BORCS8: variants seen among roughly 807,000 people sequenced by gnomAD.
BORCS8 encodes BLOC-1-related complex subunit 8.
In BORCS8, 13 loss-of-function variants were observed where a neutral mutation model predicts 18.7. The ratio of observed to expected loss-of-function variants is 0.70; its 90% CI spans 0.45 to 1.11. The LOEUF (loss-of-function observed/expected upper bound fraction) is 1.11. Among genes scored for constraint, BORCS8 ranks in the 50% least tolerant of loss-of-function variants. The probability of loss-of-function intolerance (pLI) is 0.00; values close to 1 mark genes in which losing one functional copy is unlikely to be tolerated. For synonymous variants in BORCS8, 68 were observed against 64.8 expected (o/e 1.05, Z -0.24); for missense variants, 165 against 165.7 (o/e 1.00, Z 0.02).
chr19:19,186,780 ATCTGTCCACCACGCC>A, intron 2 of BORCS8, 98 bp downstream of exon 2: 1 of 663,338 alleles, frequency 1.5e-6, no homozygotes, highest in East Asian at 2.8e-5. Context: ...TCTATCCCAG[ATCTGTCCACCACGCC>A]TCTGACCTGG....
At chr19:19,188,721 C>T (rs1202463178) in intron 1 of BORCS8, among the ~76,000 whole-genome samples, 1 of 152,088 alleles carries the variant, frequency 6.6e-6, no homozygotes, top group Non-Finnish European at 1.5e-5. Context: ...CTGTGCAGGC[C>T]CAGGATGAGG....
intron 1 of BORCS8, among the ~76,000 whole-genome samples, chr19:19,187,395 G>C (rs1307349992): frequency 6.6e-6 from 1 of 150,978 alleles, no homozygotes; most frequent in Non-Finnish European, 1.5e-5. Flanking sequence ...GAAATCACTT[G>C]AATCTGGGAG....
chr19:19,182,607 G>C lies in BORCS8; in HGVS notation c.292C>G (p.Arg98Gly). The C allele has an allele frequency of 6.4e-7, 1 of 1,551,182 alleles. No homozygotes were observed. Among genetic ancestry groups the C allele is most frequent in the East Asian group, 2.4e-5 (1 of 40,896 alleles). The part of the protein sequence containing the change: ...EGLLKQAISI[R>G]DHMNASAQGH... ...TGGGCACTGGCATTCATATGGTCCC[G>C]GATGCTGATGGCCTGTTTGAGCAGA... The change falls in exon 4 of 6, where the codon CGG becomes GGG. Residue 98 changes from arginine to glycine, a missense_variant. Transcript: ENST00000462790. The surrounding 1 kb of genome is among the most constrained non-coding windows in gnomAD (Gnocchi z 4.1).
Position 19,182,331 on chromosome 19 carries a change from C to G in BORCS8, c.326+242G>C. The G allele has an allele frequency of 9.9e-7, 1 of 1,006,388 alleles. No individual in the cohort carries two copies. The highest frequency in any genetic ancestry group is 2.4e-5 in the South Asian group (1 of 41,216). 62.3% of individuals were successfully genotyped at this position (1,006,388 alleles called of 1,614,324 possible). A position where few individuals can be genotyped will look rare whatever the true frequency, so the allele number is the denominator to read the frequency against. On this transcript the variant is annotated intron_variant, in intron 4 of 5. Transcript: ENST00000462790. The surrounding 1 kb of genome is among the most constrained non-coding windows in gnomAD (Gnocchi z 4.1). Reference sequence around the variant, plus strand: ...TGTCTCCTTGTGAGCCTGTCTGTCTCGGTCACTGCTATGTCCCCAGTGCCC... The same window carrying G: ...TGTCTCCTTGTGAGCCTGTCTGTCTGGGTCACTGCTATGTCCCCAGTGCCC...
chr19:19,184,735 G>C (rs925753287), intron 3 of BORCS8, among the ~76,000 whole-genome samples: 1 of 151,738 alleles, frequency 6.6e-6, no homozygotes, highest in Non-Finnish European at 1.5e-5. Context: ...GAGTAGCTGG[G>C]ACTAGAGGTG....
At position 19,192,094 on chromosome 19, in the gene BORCS8, G is replaced by C. The variant is rs1250668167; in HGVS notation, c.24C>G (p.Leu8=). The C allele has an allele frequency of 6.4e-7, 1 of 1,551,314 alleles. No individual in the cohort carries two copies. Among genetic ancestry groups the C allele is most frequent in the Admixed American group, 2.0e-5 (1 of 50,978 alleles). ...GGCCCGCACCACCTTTCTTCCCCTT[G>C]AGCTGCATCTCCGGCTCCTCCATAG... MEEPEMQ[L]KGKKVTDKFT... Residue 8 remains leucine, a synonymous_variant, in exon 1 of 6, where the codon CTC becomes CTG. Coordinates refer to ENST00000462790, the MANE Select transcript of BORCS8 (RefSeq NM_001145784.2).
At chr19:19,188,586 C>A (rs2060434119) in intron 1 of BORCS8, among the ~76,000 whole-genome samples, 1 of 152,170 alleles carries the variant, frequency 6.6e-6, no homozygotes, top group African/African-American at 2.4e-5. Flanking sequence ...GCCCACAGGA[C>A]CTGAAAGTGC....
chr19:19,183,588 CTTTT>C (rs879379985), intron 3 of BORCS8, among the ~76,000 whole-genome samples: 7 of 143,626 alleles, frequency 4.9e-5, no homozygotes, highest in African/African-American at 1.0e-4. Flanking sequence ...TTTTTTCTTT[CTTTT>C]TTTTTTTTTG....
chr19:19,177,793 CA>C (rs879840816), intron 5 of BORCS8: 3 of 173,268 alleles, frequency 1.7e-5, no homozygotes, highest in Admixed American at 6.4e-5. Context: ...GGGCCAGCAC[CA>C]GGCCTATGTC....
At chr19:19,177,697 A>G (rs1051209526) in intron 5 of BORCS8, 736 of 21,710 alleles carry the variant, frequency 0.034, 30 homozygotes, top group African/African-American at 0.13. Flanking sequence ...AGGAAGGAAG[A>G]GAAAAGAAAA....
At chr19:19,187,827 G>A (rs1045351232) in intron 1 of BORCS8, among the ~76,000 whole-genome samples, 26 of 151,054 alleles carry the variant, frequency 1.7e-4, no homozygotes, top group Non-Finnish European at 2.9e-4. Flanking sequence ...TTGAGCCACC[G>A]CGCCTGGCCA....
chr19:19,182,800 C>T lies in BORCS8; in HGVS notation c.216-117G>A. The T allele has an allele frequency of 7.5e-7, 1 of 1,336,086 alleles. No individual in the cohort carries two copies. Among genetic ancestry groups the T allele is most frequent in the Admixed American group, 2.8e-5 (1 of 36,250 alleles). The allele number at this position is 1,336,086 out of a possible 1,614,324, so 82.8% of individuals were successfully genotyped here. A position where few individuals can be genotyped will look rare whatever the true frequency, so the allele number is the denominator to read the frequency against. Reference sequence around the variant, plus strand: ...GGTACCTCAGTGATTCTGCGGGCTTCCCGAAGGACTCACAGTGGGCTTACA... The same window carrying T: ...GGTACCTCAGTGATTCTGCGGGCTTTCCGAAGGACTCACAGTGGGCTTACA... On this transcript the variant is annotated intron_variant, in intron 3 of 5. Coordinates refer to ENST00000462790, the MANE Select transcript of BORCS8 (RefSeq NM_001145784.2). The surrounding 1 kb of genome is among the most constrained non-coding windows in gnomAD (Gnocchi z 4.1).
rs61115485 is a variant in BORCS8, at chr19:19,180,759, G to A, written c.329C>T (p.Pro110Leu). The A allele has an allele frequency of 6.7e-3, 10,316 of 1,547,598 alleles. 576 individuals are homozygous for A. The African/African-American group carries it at 0.12, about 18-fold the overall frequency. ...TGAGGAGGGCGGGGGTGGTTCCTCC[G>A]GGCTGCAACAAAACATGTGCAGCAT... is the stretch of plus-strand genomic sequence containing the variant. ...HMNASAQGHS[P>L]EEPPPPSSA The change falls in exon 5 of 6, where the codon CCG becomes CTG. Residue 110 changes from proline (P) to leucine (L), a missense_variant and splice_region_variant. Coordinates refer to ENST00000462790, the MANE Select transcript of BORCS8 (RefSeq NM_001145784.2).
At chr19:19,189,442 T>C (rs1354540415) in intron 1 of BORCS8, among the ~76,000 whole-genome samples, 3 of 152,114 alleles carry the variant, frequency 2.0e-5, no homozygotes, top group African/African-American at 7.2e-5. Context: ...CACCCTTGCT[T>C]TAAACTCTTC....
Position 19,182,090 on chromosome 19 carries a change from C to T in BORCS8, c.326+483G>A, listed in dbSNP as rs1332178981. ...GGCCCCATCTCCCCCAGCTGGCCGGCTCCAGCCACAGAAGCCTTCTCGGTG... is the reference window on the plus strand; with the variant it reads ...GGCCCCATCTCCCCCAGCTGGCCGGTTCCAGCCACAGAAGCCTTCTCGGTG... On this transcript the variant is annotated intron_variant, in intron 4 of 5. Transcript: ENST00000462790. The surrounding 1 kb of genome is among the most constrained non-coding windows in gnomAD (Gnocchi z 4.1). 6.2e-6 allele frequency: 6 copies of T among 975,526 alleles called. No individual in the cohort carries two copies. Among genetic ancestry groups the T allele is most frequent in the Non-Finnish European group, 6.1e-6 (5 of 820,868 alleles). The allele number at this position is 975,526 out of a possible 1,614,324, so 60.4% of individuals were successfully genotyped here. A position where few individuals can be genotyped will look rare whatever the true frequency, so the allele number is the denominator to read the frequency against.
At chr19:19,187,844 T>C (rs543676630) in intron 1 of BORCS8, among the ~76,000 whole-genome samples, 4 of 150,094 alleles carry the variant, frequency 2.7e-5, no homozygotes, top group Non-Finnish European at 4.4e-5. Flanking sequence ...GCCAGCTTGA[T>C]TGAACTTTTT....
rs950996175 is a variant in BORCS8 at position 19,186,910 on chromosome 19, C to T, written c.133G>A (p.Glu45Lys). 1.9e-5 allele frequency: 30 copies of T among 1,549,646 alleles called. No homozygotes were observed. The highest frequency in any genetic ancestry group is 6.0e-5 in the South Asian group (5 of 83,986). Residue 45 changes from glutamate to lysine, a missense_variant, in exon 2 of 6, where the codon GAG becomes AAG. Transcript: ENST00000462790. The part of the protein sequence containing the change: ...LQEHVRRSLP[E>K]LAQHKADMQR... ...CAGCTCACCTTGTGCTGGGCCAGCT[C>T]GGGGAGGGAGCGACGCACATGCTCC...
At chr19:19,190,333 T>C (rs1275369215) in intron 1 of BORCS8, among the ~76,000 whole-genome samples, 1 of 152,148 alleles carries the variant, frequency 6.6e-6, no homozygotes. Context: ...TCCAATGCCA[T>C]CACCAGGGTG....
At chr19:19,185,275 G>T (rs1167643360) in intron 3 of BORCS8, among the ~76,000 whole-genome samples, 1 of 152,236 alleles carries the variant, frequency 6.6e-6, no homozygotes, top group Admixed American at 6.5e-5. Flanking sequence ...CAGCATGTCT[G>T]TGCAAAGTCG....
Sources: gnomAD v4.1 joint callset for allele counts (sites outside exome capture counted in the v4.1 genomes callset) on GRCh38, gnomAD v4.1.1 for gene constraint, Gnocchi (gnomAD v3.1) non-coding constraint, MANE v1.5 for transcripts, NCBI Gene and HGNC (gene_info 2026-07-23, HGNC 2026-07-21) for gene names.